The following PLCL1 variants were observed in gnomAD, a reference collection of about 807,000 sequenced individuals.
PLCL1 encodes the protein phospholipase C like 1 (inactive).
A neutral mutation model predicts 84.4 loss-of-function variants in PLCL1; 41 were observed. That is an observed-to-expected ratio of 0.49 (90% confidence interval 0.38 to 0.63). The LOEUF (loss-of-function observed/expected upper bound fraction) is 0.63, where lower values mean the gene tolerates loss of function less well. PLCL1 is among the 30% of genes least tolerant of loss of function. PLCL1 has a pLI of 0.00. For synonymous variants in PLCL1, 490 were observed against 488.3 expected (o/e 1.00, Z -0.05); for missense variants, 1,206 against 1,367.8 (o/e 0.88, Z 1.87).
intron 1 of PLCL1, among the ~76,000 whole-genome samples, chr2:198,025,502 TA>T (rs1395700902): frequency 2.0e-5 from 3 of 152,056 alleles, no homozygotes; most frequent in Non-Finnish European, 2.9e-5. Context: ...CTGATAGACA[TA>T]GGGGTTGTCA....
intron 1 of PLCL1, among the ~76,000 whole-genome samples, chr2:197,962,596 A>G (rs1689645845): frequency 6.6e-6 from 1 of 152,048 alleles, no homozygotes. Context: ...TTGTGTTACA[A>G]TGGTCCAATT....
intron 1 of PLCL1, among the ~76,000 whole-genome samples, chr2:197,973,562 A>C (rs1299094315): frequency 3.9e-5 from 6 of 152,236 alleles, no homozygotes; most frequent in African/African-American, 1.4e-4. Context: ...CTCATAGAGG[A>C]GGTAACATTT....
chr2:197,961,262 AG>A (rs1689616283), intron 1 of PLCL1, among the ~76,000 whole-genome samples: 1 of 151,776 alleles, frequency 6.6e-6, no homozygotes, highest in African/African-American at 2.4e-5. Flanking sequence ...AGAGAGAGAG[AG>A]AGAGCGAGCA....
Position 198,084,168 on chromosome 2 carries a change from G to A in PLCL1, c.651G>A (p.Gly217=), listed in dbSNP as rs539192370. 6.2e-6 allele frequency: 10 copies of A among 1,614,160 alleles called. No individual in the cohort carries two copies. The East Asian group carries it at 8.9e-5, about 14-fold the overall frequency. The change falls in exon 2 of 6, where the codon GGG becomes GGA. Residue 217 remains glycine, a synonymous_variant. Transcript: ENST00000428675. ...SADVANIWVS[G]LRYLVSRSKQ... is the part of the protein sequence containing the mutation. ...ATGTGGCAAACATCTGGGTGTCTGG[G>A]TTACGGTACCTGGTTTCTCGAAGTA...
intron 3 of PLCL1, 101 bp downstream of exon 3, chr2:198,089,162 C>T (rs991006316): frequency 8.4e-6 from 7 of 831,644 alleles, no homozygotes; most frequent in Non-Finnish European, 1.4e-5. Flanking sequence ...CACAGGGTGA[C>T]TACCTTTGAA....
At chr2:197,945,281 T>G (rs928983436) in intron 1 of PLCL1, among the ~76,000 whole-genome samples, 1 of 152,138 alleles carries the variant, frequency 6.6e-6, no homozygotes, top group African/African-American at 2.4e-5. Context: ...TAGAGAGATA[T>G]CAGTTTTTGA....
chr2:197,814,891 A>G (rs1161138208), intron 1 of PLCL1, among the ~76,000 whole-genome samples: 2 of 152,134 alleles, frequency 1.3e-5, no homozygotes, highest in African/African-American at 2.4e-5. Flanking sequence ...CAATTCTGTG[A>G]AGGCTGATAG....
At chr2:197,911,160 T>C (rs566294581) in intron 1 of PLCL1, among the ~76,000 whole-genome samples, 1 of 151,986 alleles carries the variant, frequency 6.6e-6, no homozygotes, top group African/African-American at 2.4e-5. Flanking sequence ...CTGGGCAACA[T>C]GGGGAAACCC....
chr2:198,141,409 AT>A (rs2105945876), intron 5 of PLCL1, among the ~76,000 whole-genome samples: 1 of 151,912 alleles, frequency 6.6e-6, no homozygotes, highest in South Asian at 2.1e-4. Context: ...GAGAGCAAGA[AT>A]TCCAGGCCAT....
intron 1 of PLCL1, among the ~76,000 whole-genome samples, chr2:197,981,083 ACTTTT>A (rs1690095068): frequency 6.6e-6 from 1 of 152,202 alleles, no homozygotes; most frequent in South Asian, 2.1e-4. Context: ...AAGAATACAG[ACTTTT>A]CTTAATCACT....
At position 197,886,411 on chromosome 2, in the gene PLCL1, C is replaced by CAAAAAAAAAAAA. The variant is rs61183744; in HGVS notation, c.240+81102_240+81113dup. ...TGGGCAACAGAATGAGACTCTGTCTCAAAAAAAAAAAAAAAAAAAAAAAAA... is the reference window on the plus strand; with the variant it reads ...TGGGCAACAGAATGAGACTCTGTCTCAAAAAAAAAAAAAAAAAAAAAAAAAAAAAAAAAAAAA... On this transcript the variant is annotated intron_variant, in intron 1 of 5. Coordinates refer to ENST00000428675, the MANE Select transcript of PLCL1 (RefSeq NM_006226.4). 1.2e-3 allele frequency among the ~76,000 whole-genome samples: 91 copies of CAAAAAAAAAAAA among 77,072 alleles called. 7 individuals carry two copies. The highest frequency in any genetic ancestry group is 1.6e-3 in the Non-Finnish European group (60 of 37,394). The allele number at this position is 77,072 out of a possible 152,430, so 50.6% of individuals were successfully genotyped here.
At chr2:198,101,027 T>C (rs7570678) in intron 3 of PLCL1, among the ~76,000 whole-genome samples, 36,635 of 151,976 alleles carry the variant, frequency 0.24, 8,766 homozygotes, top group African/African-American at 0.62. Flanking sequence ...TACATTTATT[T>C]GACAGCTACT....
At chr2:197,912,547 A>G (rs984864979) in intron 1 of PLCL1, among the ~76,000 whole-genome samples, 6 of 150,818 alleles carry the variant, frequency 4.0e-5, no homozygotes, top group African/African-American at 1.5e-4. Context: ...ACCAACCCAA[A>G]TGTCCTACAA....
intron 5 of PLCL1, among the ~76,000 whole-genome samples, chr2:198,131,542 G>A (rs1256144378): frequency 6.6e-6 from 1 of 152,148 alleles, no homozygotes; most frequent in East Asian, 1.9e-4. Flanking sequence ...AAATCCCCAT[G>A]TTTTGGAGAA....
intron 1 of PLCL1, among the ~76,000 whole-genome samples, chr2:197,811,965 C>T (rs984965745): frequency 6.6e-6 from 1 of 152,152 alleles, no homozygotes; most frequent in African/African-American, 2.4e-5. Context: ...TACCCTAACC[C>T]AACCTTCCCC....
chr2:197,805,322 C>T lies in PLCL1; in HGVS notation c.223C>T (p.Arg75Cys). 1 of 1,315,298 alleles carries T rather than the reference C, an allele frequency of 7.6e-7. No homozygotes were observed. The highest frequency in any genetic ancestry group is 9.6e-7 in the Non-Finnish European group (1 of 1,037,074). 81.5% of individuals were successfully genotyped at this position (1,315,298 alleles called of 1,614,324 possible). ...LLEAARATPR[R>C]SSIIKDPSNQ... is the part of the protein sequence containing the mutation. Reference sequence around the variant, plus strand: ...GGAGGCAGCACGGGCGACCCCCCGGCGCAGCAGCATCATCAAGGTAAGCAA... The same window carrying T: ...GGAGGCAGCACGGGCGACCCCCCGGTGCAGCAGCATCATCAAGGTAAGCAA... Residue 75 changes from arginine (R) to cysteine (C), a missense_variant, in exon 1 of 6, where the codon CGC (arginine) becomes TGC (cysteine). Transcript: ENST00000428675. The surrounding 1 kb of genome is among the most constrained non-coding windows in gnomAD (Gnocchi z 4.0).
intron 1 of PLCL1, among the ~76,000 whole-genome samples, chr2:197,898,838 A>C (rs991566807): frequency 2.0e-5 from 3 of 151,172 alleles, no homozygotes; most frequent in Non-Finnish European, 2.9e-5. Flanking sequence ...TTGTAGCATA[A>C]GGATAATAAT....
rs969598107 is a variant in PLCL1, at chr2:198,124,999, A to G, written c.3105+21063A>G. On this transcript the variant is annotated intron_variant, in intron 5 of 5. Coordinates refer to ENST00000428675, the MANE Select transcript of PLCL1 (RefSeq NM_006226.4). ...GTCACATTTCAAGTGCTCAGTAGCC[A>G]CATGTGGCTAGTGACTACCATAATG... is the stretch of plus-strand genomic sequence containing the variant. 7.2e-5 allele frequency among the ~76,000 whole-genome samples: 11 copies of G among 152,258 alleles called. No homozygotes were observed. In the East Asian group the frequency reaches 2.1e-3, roughly 29 times the overall value.
At chr2:198,006,562 A>G (rs1690733657) in intron 1 of PLCL1, among the ~76,000 whole-genome samples, 1 of 152,138 alleles carries the variant, frequency 6.6e-6, no homozygotes, top group South Asian at 2.1e-4. Context: ...ATTTATGTTT[A>G]TTCGCAGTTT....
Sources: allele counts gnomAD v4.1 joint callset (sites outside exome capture counted in the v4.1 genomes callset), GRCh38; gene constraint gnomAD v4.1.1; non-coding constraint Gnocchi (gnomAD v3.1); transcripts MANE v1.5; gene names NCBI Gene and HGNC (gene_info 2026-07-23, HGNC 2026-07-21).